Variants in CLEC2A observed in about 807,000 individuals in gnomAD.
CLEC2A encodes the protein keratinocyte-associated C-type lectin.
In CLEC2A, 19 loss-of-function variants were observed where a neutral mutation model predicts 18.6. The observed-to-expected ratio is 1.02, with a 90% CI of 0.71 to 1.50. The LOEUF (loss-of-function observed/expected upper bound fraction) is 1.50. Ranked by LOEUF, CLEC2A falls within the 40% of genes most tolerant of loss-of-function variation. CLEC2A has a pLI of 0.00. For missense variants in CLEC2A, 190 were observed against 207.9 expected (o/e 0.91, Z 0.53); for synonymous variants, 74 against 64.0 (o/e 1.16, Z -0.75).
intron 3 of CLEC2A, 89 bp downstream of exon 3, chr12:9,921,976 CA>C (rs1863180264): frequency 1.8e-6 from 2 of 1,097,846 alleles, no homozygotes; most frequent in Non-Finnish European, 2.5e-6. Context: ...GTTCAAGGAT[CA>C]ATTGTATTAT....
chr12:9,897,461 C>T (rs1019544675), downstream of CLEC2A, among the ~76,000 whole-genome samples: 5 of 151,862 alleles, frequency 3.3e-5, no homozygotes, highest in Admixed American at 3.3e-4. Flanking sequence ...CTTAGTTCAG[C>T]TGAAATCCAG....
chr12:9,888,345 C>A, the CLEC2A span, among the ~76,000 whole-genome samples: 1 of 151,682 alleles, frequency 6.6e-6, no homozygotes, highest in Non-Finnish European at 1.5e-5. Flanking sequence ...AAAAAATTAG[C>A]TGGGCATGGT....
the CLEC2A span, among the ~76,000 whole-genome samples, chr12:9,882,644 G>A: frequency 6.6e-6 from 1 of 152,156 alleles, no homozygotes; most frequent in Non-Finnish European, 1.5e-5. Flanking sequence ...AGCTGGGTAT[G>A]GTGGCGTGTG....
chr12:9,888,469 A>C, the CLEC2A span, among the ~76,000 whole-genome samples: 1 of 151,936 alleles, frequency 6.6e-6, no homozygotes, highest in Non-Finnish European at 1.5e-5. Context: ...CAGCCTGGGC[A>C]ACAGAGTGAG....
At chr12:9,881,406 T>G in the CLEC2A span, 1 of 527,360 alleles carries the variant, frequency 1.9e-6, no homozygotes, top group Non-Finnish European at 3.4e-6. Flanking sequence ...CAAGCTTATA[T>G]CCATTTTCAT....
chr12:9,916,628 A>G (rs1029724779), intron 4 of CLEC2A, 72 bp downstream of exon 4: 2 of 977,090 alleles, frequency 2.0e-6, no homozygotes, highest in African/African-American at 3.2e-5. Context: ...ATAATAATAC[A>G]ACTCAAAATG....
chr12:9,895,568 AAAC>A, downstream of CLEC2A: 2 of 884,818 alleles, frequency 2.3e-6, no homozygotes, highest in Non-Finnish European at 3.3e-6. Flanking sequence ...TTCCATTCTA[AAAC>A]CTCTGCAAAA....
the CLEC2A span, among the ~76,000 whole-genome samples, chr12:9,879,958 C>A: frequency 6.6e-6 from 1 of 152,192 alleles, no homozygotes; most frequent in Non-Finnish European, 1.5e-5. Context: ...GCTATCTCCA[C>A]CTCAACCATA....
chr12:9,927,221 G>A (rs148492339), intron 1 of CLEC2A, among the ~76,000 whole-genome samples: 51 of 152,204 alleles, frequency 3.4e-4, no homozygotes, highest in Admixed American at 6.5e-4. Flanking sequence ...CTACAAAACT[G>A]GATAGCATGT....
At chr12:9,900,304 A>C (rs12368396) in intron 4 of CLEC2A, among the ~76,000 whole-genome samples, 11,757 of 152,294 alleles carry the variant, frequency 0.077, 664 homozygotes, top group Non-Finnish European at 0.11. Flanking sequence ...TCACAAGAAC[A>C]TGCAGGATTA....
In CLEC2A at chr12:9,913,299, G is replaced by T; in HGVS notation, c.*267C>A. On this transcript the variant is annotated 3_prime_UTR_variant, in exon 5 of 5. Transcript: ENST00000455827. ...TAATCACCAGTGTGATGGTATTAGG[G>T]GATGGAGCCATCCATCAGGAGGTGA... The T allele has an allele frequency of 5.0e-6, 2 of 400,450 alleles. No individual in the cohort carries two copies. The highest frequency in any genetic ancestry group is 8.3e-6 in the Non-Finnish European group (2 of 242,212). 24.8% of individuals were successfully genotyped at this position (400,450 alleles called of 1,614,324 possible). A position where few individuals can be genotyped will look rare whatever the true frequency, so the allele number is the denominator to read the frequency against.
the CLEC2A span, among the ~76,000 whole-genome samples, chr12:9,881,840 G>T: frequency 6.6e-6 from 1 of 152,094 alleles, no homozygotes; most frequent in South Asian, 2.1e-4. Context: ...TAAAAAGTCT[G>T]CATTTTCAGA....
At chr12:9,923,446 G>A (rs1161438555) in intron 2 of CLEC2A, among the ~76,000 whole-genome samples, 1 of 151,772 alleles carries the variant, frequency 6.6e-6, no homozygotes, top group African/African-American at 2.4e-5. Context: ...TGGAGAGGAT[G>A]TGGAGAAATA....
intron 4 of CLEC2A, among the ~76,000 whole-genome samples, chr12:9,901,540 A>G (rs878994091): frequency 2.0e-5 from 3 of 152,198 alleles, no homozygotes; most frequent in African/African-American, 7.2e-5. Context: ...ATAACCTAAA[A>G]AAGATTGAAC....
chr12:9,897,563 A>T (rs1862770262), downstream of CLEC2A, among the ~76,000 whole-genome samples: 1 of 151,230 alleles, frequency 6.6e-6, no homozygotes. Flanking sequence ...CTCAGTATAA[A>T]AAAAAAAAAA....
chr12:9,882,288 A>G, the CLEC2A span, among the ~76,000 whole-genome samples: 1 of 152,198 alleles, frequency 6.6e-6, no homozygotes, highest in Non-Finnish European at 1.5e-5. Context: ...TATGTATTGA[A>G]CATTCTCGTG....
chr12:9,910,766 G>T (rs140024574), downstream of CLEC2A, among the ~76,000 whole-genome samples: 84 of 152,312 alleles, frequency 5.5e-4, no homozygotes, highest in African/African-American at 1.9e-3. Context: ...TGCTGAGAGT[G>T]TGGGTTTATT....
chr12:9,895,952 G>A, downstream of CLEC2A: 1 of 943,052 alleles, frequency 1.1e-6, no homozygotes, highest in Middle Eastern at 2.4e-4. Flanking sequence ...CATCTAAATA[G>A]GAGAAAAGTA....
intron 1 of CLEC2A, among the ~76,000 whole-genome samples, chr12:9,928,871 C>G (rs1432390900): frequency 6.6e-6 from 1 of 152,052 alleles, no homozygotes; most frequent in East Asian, 1.9e-4. Context: ...ATAGGGGAAC[C>G]GAAACACATA....
Sources: allele counts gnomAD v4.1 joint callset (sites outside exome capture counted in the v4.1 genomes callset), GRCh38; gene constraint gnomAD v4.1.1; transcripts MANE v1.5; gene names NCBI Gene and HGNC (gene_info 2026-07-23, HGNC 2026-07-21).